The following MTBP variants were observed in gnomAD, a reference collection of about 807,000 sequenced individuals.
MTBP encodes mdm2-binding protein.
MTBP carries 101 observed loss-of-function variants against 117.0 expected under a neutral mutation model. That is an observed-to-expected ratio of 0.86 (90% CI 0.73 to 1.02). The LOEUF (loss-of-function observed/expected upper bound fraction) is 1.02. Among genes scored for constraint, MTBP ranks in the 50% least tolerant of loss-of-function variants. The pLI is 0.00. For synonymous variants in MTBP, 350 were observed against 351.5 expected (o/e 1.00, Z 0.05); for missense variants, 970 against 1,030.9 (o/e 0.94, Z 0.81).
rs1440988088 is a variant in MTBP at position 120,518,056 on chromosome 8, A to G, written c.2452A>G (p.Thr818Ala). ...TCAAAAAAGTATGCATGAATCAAAA[A>G]CATCAAGGCAAATTAAGGAATCAAG... ...SGQKSMHESK[T>A]SRQIKESRSQ... Residue 818 changes from threonine (T) to alanine (A), a missense_variant, in exon 19 of 22, where the codon ACA (threonine) becomes GCA (alanine). Physicochemically the swap from Thr to Ala is moderately conservative, Grantham distance 58 (BLOSUM62 0). Transcript: ENST00000305949. 1.2e-6 allele frequency: 2 copies of G among 1,612,632 alleles called. No homozygotes were observed. The highest frequency in any genetic ancestry group is 1.7e-6 in the Non-Finnish European group (2 of 1,179,086).
chr8:120,455,071 GT>G (rs145191598), intron 5 of MTBP, among the ~76,000 whole-genome samples: 4,880 of 148,752 alleles, frequency 0.033, 273 homozygotes, highest in African/African-American at 0.11. Context: ...AATTGCACAG[GT>G]TTTTTTTTTC....
intron 11 of MTBP, among the ~76,000 whole-genome samples, chr8:120,481,075 C>T (rs537836601): frequency 3.3e-5 from 5 of 152,136 alleles, no homozygotes; most frequent in Non-Finnish European, 5.9e-5. Flanking sequence ...GTAAACTCCA[C>T]GAAAAGATGC....
At chr8:120,469,561 T>C (rs559873309) in intron 10 of MTBP, among the ~76,000 whole-genome samples, 5 of 152,284 alleles carry the variant, frequency 3.3e-5, no homozygotes, top group Admixed American at 3.3e-4. Flanking sequence ...GCACTGCATG[T>C]TCGTTAGCAG....
chr8:120,519,668 T>A (rs1485329646), intron 20 of MTBP, among the ~76,000 whole-genome samples: 2 of 152,094 alleles, frequency 1.3e-5, no homozygotes, highest in African/African-American at 4.8e-5. Context: ...AAGTGTGGTG[T>A]AACAGAGTGA....
At chr8:120,503,640 G>A (rs1814629444) in intron 15 of MTBP, among the ~76,000 whole-genome samples, 1 of 152,082 alleles carries the variant, frequency 6.6e-6, no homozygotes, top group South Asian at 2.1e-4. Flanking sequence ...TCATATGAAA[G>A]AGTGATGGGA....
At chr8:120,457,239 A>C (rs1290952816) in intron 7 of MTBP, among the ~76,000 whole-genome samples, 2 of 152,188 alleles carry the variant, frequency 1.3e-5, no homozygotes, top group African/African-American at 4.8e-5. Context: ...AATTTCTATG[A>C]AATTTCTATT....
intron 20 of MTBP, 76 bp from the exon 21 acceptor site, chr8:120,522,578 G>T: frequency 2.1e-6 from 2 of 966,900 alleles, no homozygotes; most frequent in East Asian, 2.6e-5. Flanking sequence ...ATAATCTCAA[G>T]TGTATTTAAT....
At chr8:120,465,047 T>G (rs1563788704) in intron 10 of MTBP, among the ~76,000 whole-genome samples, 1 of 152,134 alleles carries the variant, frequency 6.6e-6, no homozygotes, top group Non-Finnish European at 1.5e-5. Flanking sequence ...AGGCCATACA[T>G]TTCTCCAAAC....
chr8:120,484,544 T>C (rs1814169271), intron 11 of MTBP, among the ~76,000 whole-genome samples: 1 of 152,188 alleles, frequency 6.6e-6, no homozygotes, highest in Admixed American at 6.6e-5. Flanking sequence ...GAATCTTTTA[T>C]TTGCTGTGTG....
At chr8:120,496,416 C>A (rs1018196488) in intron 13 of MTBP, among the ~76,000 whole-genome samples, 1 of 152,162 alleles carries the variant, frequency 6.6e-6, no homozygotes, top group Non-Finnish European at 1.5e-5. Flanking sequence ...ATGCTTACTT[C>A]TAAAGTAATA....
intron 10 of MTBP, among the ~76,000 whole-genome samples, chr8:120,467,516 G>C (rs1240960034): frequency 6.6e-6 from 1 of 152,180 alleles, no homozygotes; most frequent in South Asian, 2.1e-4. Flanking sequence ...TGAGGCGGGA[G>C]AGTCACTTGA....
chr8:120,483,139 T>A (rs1412893124), intron 11 of MTBP, among the ~76,000 whole-genome samples: 1 of 151,986 alleles, frequency 6.6e-6, no homozygotes, highest in Admixed American at 6.6e-5. Flanking sequence ...GGGTGGGGTA[T>A]CAGGCTAGGA....
At chr8:120,479,605 T>G (rs1333639519) in intron 11 of MTBP, among the ~76,000 whole-genome samples, 1 of 152,134 alleles carries the variant, frequency 6.6e-6, no homozygotes, top group Non-Finnish European at 1.5e-5. Context: ...ACTAAATGAA[T>G]CTCAGTAAAT....
chr8:120,446,598 G>A, intron 2 of MTBP, 85 bp downstream of exon 2: 1 of 843,980 alleles, frequency 1.2e-6, no homozygotes, highest in Non-Finnish European at 2.0e-6. Context: ...AGGAGTACAA[G>A]GAAATACTTC....
chr8:120,501,677 A>T (rs539959701), intron 14 of MTBP, among the ~76,000 whole-genome samples: 1 of 152,226 alleles, frequency 6.6e-6, no homozygotes, highest in Non-Finnish European at 1.5e-5. Flanking sequence ...ATAATTTTCA[A>T]TGAGTTTATT....
At chr8:120,469,463 T>G (rs968945643) in intron 10 of MTBP, among the ~76,000 whole-genome samples, 49 of 152,184 alleles carry the variant, frequency 3.2e-4, no homozygotes, top group African/African-American at 1.1e-3. Flanking sequence ...TGCTCTCAAT[T>G]GGTTTTTGTC....
intron 9 of MTBP, among the ~76,000 whole-genome samples, chr8:120,463,269 G>A (rs965164455): frequency 4.6e-5 from 7 of 152,072 alleles, no homozygotes; most frequent in Non-Finnish European, 8.8e-5. Context: ...GGTATCACAT[G>A]TATCTGCAAA....
chr8:120,461,842 G>GT (rs1423598098), intron 9 of MTBP, among the ~76,000 whole-genome samples: 2 of 152,148 alleles, frequency 1.3e-5, no homozygotes, highest in Non-Finnish European at 2.9e-5. Flanking sequence ...GAAGAAGTCT[G>GT]TAACTGCAAT....
intron 9 of MTBP, among the ~76,000 whole-genome samples, chr8:120,462,896 G>T (rs1813610054): frequency 6.6e-6 from 1 of 152,120 alleles, no homozygotes; most frequent in Non-Finnish European, 1.5e-5. Context: ...AAAAGTTGCT[G>T]CATTAAAAAG....
Sources: allele counts gnomAD v4.1 joint callset (sites outside exome capture counted in the v4.1 genomes callset), GRCh38; gene constraint gnomAD v4.1.1; transcripts MANE v1.5; gene names NCBI Gene and HGNC (gene_info 2026-07-23, HGNC 2026-07-21).